The following FBXL17 variants were observed in gnomAD, a reference collection of about 807,000 sequenced individuals.
FBXL17 encodes F-box and leucine rich repeat protein 17.
In FBXL17, 22 loss-of-function variants were observed where a neutral mutation model predicts 66.2. The ratio of observed to expected loss-of-function variants is 0.33; its 90% CI spans 0.24 to 0.47. FBXL17 has a LOEUF of 0.47. FBXL17 is among the 20% of genes least tolerant of loss of function. The pLI, the probability that FBXL17 is intolerant of heterozygous loss-of-function variation, is 1.00. For missense variants in FBXL17, 878 were observed against 948.2 expected (o/e 0.93, Z 0.97); for synonymous variants, 474 against 400.5 (o/e 1.18, Z -2.19).
chr5:107,987,798 G>C (rs1753077901), intron 7 of FBXL17, among the ~76,000 whole-genome samples: 2 of 152,020 alleles, frequency 1.3e-5, no homozygotes, highest in South Asian at 4.1e-4. Flanking sequence ...CCTTAGGATG[G>C]AGTGAGAAGC....
intron 8 of FBXL17, among the ~76,000 whole-genome samples, chr5:107,867,157 C>A (rs2112482516): frequency 6.6e-6 from 1 of 152,294 alleles, no homozygotes; most frequent in East Asian, 1.9e-4. Context: ...AATATGGCAG[C>A]CCCAAACTCC....
intron 4 of FBXL17, among the ~76,000 whole-genome samples, chr5:108,249,179 T>A (rs1756238449): frequency 6.6e-6 from 1 of 151,982 alleles, no homozygotes; most frequent in African/African-American, 2.4e-5. Flanking sequence ...AGAAAATGGG[T>A]ACACTAATCA....
intron 5 of FBXL17, among the ~76,000 whole-genome samples, chr5:108,189,710 C>G (rs1580584405): frequency 6.6e-6 from 1 of 152,094 alleles, no homozygotes; most frequent in African/African-American, 2.4e-5. Context: ...GGGAAAGTAT[C>G]CTAGGTGGGC....
intron 7 of FBXL17, among the ~76,000 whole-genome samples, chr5:107,980,664 A>ATATATATATATATATATATATATATTT: frequency 4.8e-5 from 3 of 62,076 alleles, no homozygotes; most frequent in African/African-American, 2.1e-4. Flanking sequence ...ATATATATAT[A>ATATATATATATATATATATATATATTT]TTTTTTTTTT....
intron 6 of FBXL17, among the ~76,000 whole-genome samples, chr5:108,055,295 A>C (rs1466011202): frequency 1.8e-4 from 10 of 55,068 alleles, no homozygotes; most frequent in African/African-American, 3.1e-4. Flanking sequence ...AAAAAAAAAA[A>C]AAAAAAAAAA....
chr5:107,999,797 A>G (rs1335413264), intron 7 of FBXL17, among the ~76,000 whole-genome samples: 1 of 152,202 alleles, frequency 6.6e-6, no homozygotes, highest in Admixed American at 6.5e-5. Context: ...TGGTTGATTG[A>G]ATGAATGGAT....
intron 6 of FBXL17, among the ~76,000 whole-genome samples, chr5:108,028,047 T>C (rs1289277088): frequency 1.3e-5 from 2 of 152,150 alleles, no homozygotes; most frequent in African/African-American, 4.8e-5. Flanking sequence ...AAGAGAAGAC[T>C]TTGTCACCCT....
intron 7 of FBXL17, among the ~76,000 whole-genome samples, chr5:107,934,926 T>C (rs978387928): frequency 3.3e-5 from 5 of 152,154 alleles, no homozygotes; most frequent in African/African-American, 1.2e-4. Context: ...AAACACAGTA[T>C]TCTTTTGACT....
At chr5:108,160,541 T>G (rs533766625) in intron 6 of FBXL17, among the ~76,000 whole-genome samples, 2 of 152,218 alleles carry the variant, frequency 1.3e-5, no homozygotes, top group South Asian at 4.1e-4. Context: ...GAGCAACCAA[T>G]AAGAAGAATA....
chr5:107,946,768 C>A (rs1330377624), intron 7 of FBXL17, among the ~76,000 whole-genome samples: 2 of 151,784 alleles, frequency 1.3e-5, no homozygotes, highest in African/African-American at 4.8e-5. Context: ...TATTATAGTA[C>A]CACTTTGTAA....
intron 6 of FBXL17, among the ~76,000 whole-genome samples, chr5:108,032,157 CATTTCTCAG>C (rs1746666305): frequency 6.6e-6 from 1 of 152,114 alleles, no homozygotes; most frequent in South Asian, 2.1e-4. Context: ...TCCTAAGGTA[CATTTCTCAG>C]AAAACTAGCA....
At chr5:108,201,585 A>G (rs1580604641) in intron 5 of FBXL17, among the ~76,000 whole-genome samples, 2 of 152,246 alleles carry the variant, frequency 1.3e-5, no homozygotes, top group South Asian at 4.1e-4. Context: ...AATTCTCAAT[A>G]CATGCTTACT....
At position 107,861,043 on chromosome 5, in the gene FBXL17, G is replaced by A. The variant is rs1190306990; in HGVS notation, c.*677C>T. ...ATAATTAACTTTCGTGAGCTGGCCA[G>A]GAGAGTTCAGACTGTTGCCTCTATA... On this transcript the variant is annotated 3_prime_UTR_variant, in exon 9 of 9. Transcript: ENST00000542267. The A allele has an allele frequency of 3.3e-5, 5 of 152,202 alleles. No individual in the cohort carries two copies. Among genetic ancestry groups the A allele is most frequent in the African/African-American group, 1.2e-4 (5 of 41,446 alleles). 9.4% of individuals were successfully genotyped at this position (152,202 alleles called of 1,614,324 possible).
chr5:107,911,949 A>G (rs961840441), intron 7 of FBXL17, among the ~76,000 whole-genome samples: 2 of 152,150 alleles, frequency 1.3e-5, no homozygotes, highest in Non-Finnish European at 2.9e-5. Flanking sequence ...AGGGAAATGC[A>G]AATTAAAATG....
chr5:107,962,611 A>C (rs1219512486), intron 7 of FBXL17, among the ~76,000 whole-genome samples: 1 of 152,090 alleles, frequency 6.6e-6, no homozygotes, highest in East Asian at 1.9e-4. Flanking sequence ...TTACATTATT[A>C]AATGCATTTT....
chr5:108,217,471 T>C (rs923588611), intron 5 of FBXL17, among the ~76,000 whole-genome samples: 1 of 152,186 alleles, frequency 6.6e-6, no homozygotes, highest in Non-Finnish European at 1.5e-5. Flanking sequence ...TAGAGATTTA[T>C]CAATTTCATC....
intron 4 of FBXL17, among the ~76,000 whole-genome samples, chr5:108,231,888 G>T (rs556067152): frequency 1.3e-5 from 2 of 152,248 alleles, no homozygotes; most frequent in East Asian, 3.9e-4. Context: ...GATTAAGGTC[G>T]ATGGGAAACT....
At chr5:107,931,992 C>G (rs1165142946) in intron 7 of FBXL17, among the ~76,000 whole-genome samples, 1 of 152,054 alleles carries the variant, frequency 6.6e-6, no homozygotes, top group East Asian at 1.9e-4. Flanking sequence ...TTCCTGAATC[C>G]CACTTGCAGA....
At chr5:108,137,604 A>G (rs529328157) in intron 6 of FBXL17, among the ~76,000 whole-genome samples, 1 of 152,322 alleles carries the variant, frequency 6.6e-6, no homozygotes, top group Non-Finnish European at 1.5e-5. Flanking sequence ...GGAGCTTATC[A>G]GTGTCCAGCA....
Sources: allele counts gnomAD v4.1 joint callset (sites outside exome capture counted in the v4.1 genomes callset), GRCh38; gene constraint gnomAD v4.1.1; transcripts MANE v1.5; gene names NCBI Gene and HGNC (gene_info 2026-07-23, HGNC 2026-07-21).